The following SEC63 variants were observed in gnomAD, a reference collection of about 807,000 sequenced individuals.
SEC63 encodes the protein SEC63 protein translocation regulator.
In SEC63, 56 loss-of-function variants were observed where a neutral mutation model predicts 116.2. That is an observed-to-expected ratio of 0.48 (90% confidence interval 0.39 to 0.60). The LOEUF is 0.60. Among genes scored for constraint, SEC63 ranks in the 20% least tolerant of loss-of-function variants. SEC63 has a pLI of 0.00. For synonymous variants in SEC63, 273 were observed against 294.6 expected, an observed-to-expected ratio of 0.93 and a Z score of 0.75; for missense variants, 668 against 900.0, an observed-to-expected ratio of 0.74 and a Z score of 3.30.
At chr6:107,896,097 C>T (rs1041681350) in intron 14 of SEC63, among the ~76,000 whole-genome samples, 29 of 152,110 alleles carry the variant, frequency 1.9e-4, no homozygotes, top group African/African-American at 5.1e-4. Context: ...GCCTAGGAGG[C>T]GGACGTTGCA....
intron 16 of SEC63, among the ~76,000 whole-genome samples, chr6:107,886,223 T>C (rs1583728119): frequency 6.6e-6 from 1 of 152,326 alleles, no homozygotes; most frequent in East Asian, 1.9e-4. Context: ...TATTCCATGG[T>C]GTATATGTGC....
At chr6:107,934,218 C>T (rs1387653739) in intron 1 of SEC63, among the ~76,000 whole-genome samples, 1 of 151,286 alleles carries the variant, frequency 6.6e-6, no homozygotes, top group African/African-American at 2.4e-5. Context: ...TGCCTGGCTG[C>T]CCAGTCTGGA....
chr6:107,879,051 T>C (rs573572977), intron 18 of SEC63, among the ~76,000 whole-genome samples: 1 of 152,222 alleles, frequency 6.6e-6, no homozygotes, highest in Non-Finnish European at 1.5e-5. Context: ...TTCACTAACA[T>C]GTAAGTCAAA....
chr6:107,941,980 T>G (rs1200704742), intron 1 of SEC63, among the ~76,000 whole-genome samples: 1 of 152,258 alleles, frequency 6.6e-6, no homozygotes, highest in Non-Finnish European at 1.5e-5. Context: ...TAAGGTCGCA[T>G]TAGCAGTAAT....
At chr6:107,933,661 C>CCTCTGA (rs1787859594) in intron 1 of SEC63, among the ~76,000 whole-genome samples, 1 of 151,672 alleles carries the variant, frequency 6.6e-6, no homozygotes, top group Admixed American at 6.5e-5. Flanking sequence ...GAAACACCTG[C>CCTCTGA]CTCTGCCTCT....
Position 107,957,926 on chromosome 6 carries a change from G to C in SEC63, c.84C>G (p.Ile28Met). The change falls in exon 1 of 21, where the codon ATC becomes ATG. Residue 28 changes from isoleucine to methionine, a missense_variant. Around this residue, in one of 5 missense-constraint regions of SEC63, gnomAD observed 142 missense variants for 169.5 expected, o/e 0.84. Transcript: ENST00000369002. ...GGGGCCAGAGGTAGTATGTCGCCGG[G>C]ATCACGATGAGCCCCACGAAGGAGG... ...FLTSFVGLIV[I>M]PATYYLWPRD... The C allele has an allele frequency of 6.2e-7, 1 of 1,613,356 alleles. No individual in the cohort carries two copies. The highest frequency in any genetic ancestry group is 8.5e-7 in the Non-Finnish European group (1 of 1,179,560).
chr6:107,883,191 G>T, intron 16 of SEC63, 45 bp from the exon 17 acceptor site: 1 of 1,605,726 alleles, frequency 6.2e-7, no homozygotes, highest in Non-Finnish European at 8.5e-7. Flanking sequence ...ATCTCAATGA[G>T]AACATATCAA....
intron 2 of SEC63, among the ~76,000 whole-genome samples, chr6:107,926,403 T>C (rs1787678315): frequency 6.6e-6 from 1 of 152,100 alleles, no homozygotes; most frequent in African/African-American, 2.4e-5. Flanking sequence ...AGAGGCCAAA[T>C]TAAACAAAAT....
At chr6:107,912,813 C>A (rs772620142) in intron 5 of SEC63, 39 bp from the exon 6 acceptor site, 2 of 1,441,942 alleles carry the variant, frequency 1.4e-6, no homozygotes, top group South Asian at 2.3e-5. Flanking sequence ...AGAATCTCTA[C>A]TTTCAGTTTT....
chr6:107,904,278 T>C (rs1419146297), intron 11 of SEC63, among the ~76,000 whole-genome samples: 1 of 137,176 alleles, frequency 7.3e-6, no homozygotes, highest in East Asian at 2.3e-4. Flanking sequence ...GGTGTGGTGG[T>C]ACGCGCCTGT....
rs981232657 is a variant in SEC63, at chr6:107,929,493, A to T, written c.146T>A (p.Ile49Asn). Reference protein sequence around the residue: ...QNAEQIRLKNIRKVYGRCMWY... With the variant: ...QNAEQIRLKNNRKVYGRCMWY... ...CATACACCTTCCATATACTTTTCTG[A>T]TATTCTTTAATCGAATTTGCTCTGT... Residue 49 changes from isoleucine (I) to asparagine (N), a missense_variant, in exon 2 of 21, where the codon ATC (isoleucine) becomes AAC (asparagine). Physicochemically the swap from Ile to Asn is moderately radical, Grantham distance 149. Around this residue, in one of 5 missense-constraint regions of SEC63, gnomAD observed 142 missense variants for 169.5 expected, o/e 0.84. Transcript: ENST00000369002. The T allele has an allele frequency of 2.5e-6, 4 of 1,595,724 alleles. No homozygotes were observed. In the African/African-American group the frequency reaches 5.4e-5, roughly 21 times the overall value.
At chr6:107,906,358 G>T in intron 10 of SEC63, 90 bp downstream of exon 10, 1 of 1,378,384 alleles carries the variant, frequency 7.3e-7, no homozygotes, top group Non-Finnish European at 1.0e-6. Flanking sequence ...TTAGAGCAAT[G>T]CGAGAACAAA....
chr6:107,936,182 A>G (rs1036745246), intron 1 of SEC63, among the ~76,000 whole-genome samples: 4 of 152,328 alleles, frequency 2.6e-5, no homozygotes, highest in African/African-American at 9.6e-5. Flanking sequence ...TCAGCCCCTT[A>G]TTCTTGGGGG....
Position 107,906,516 on chromosome 6 carries a change from C to T in SEC63, c.893G>A (p.Ser298Asn). 1 of 1,613,826 alleles carries T rather than the reference C, an allele frequency of 6.2e-7. No homozygotes were observed. The highest frequency in any genetic ancestry group is 8.5e-7 in the Non-Finnish European group (1 of 1,179,724). The stretch of plus-strand genomic sequence containing the variant: ...CAGTAAAAGAACTCTGGCCTTCAGG[C>T]TATATGGGCAGGTAAGTGGAGGCTC... ...KNEPPLTCPYSLKARVLLLSH... is the reference protein window; with the variant it reads ...KNEPPLTCPYNLKARVLLLSH... The change falls in exon 10 of 21, where the codon AGC (serine) becomes AAC (asparagine). Residue 298 changes from serine (S) to asparagine (N), a missense_variant. By Grantham distance (46) the Ser-to-Asn change is conservative (BLOSUM62 1). Around this residue, in one of 5 missense-constraint regions of SEC63, gnomAD observed 430 missense variants for 557.5 expected, o/e 0.77. Coordinates refer to ENST00000369002, the MANE Select transcript of SEC63 (RefSeq NM_007214.5).
chr6:107,898,464 T>C (rs1484746718), intron 13 of SEC63, among the ~76,000 whole-genome samples: 3 of 152,218 alleles, frequency 2.0e-5, no homozygotes, highest in Admixed American at 2.0e-4. Flanking sequence ...TTCACAAGAT[T>C]TTACCTGTAT....
intron 18 of SEC63, among the ~76,000 whole-genome samples, chr6:107,880,809 G>C (rs1440261759): frequency 6.6e-6 from 1 of 152,168 alleles, no homozygotes; most frequent in East Asian, 1.9e-4. Flanking sequence ...TAATAGTTAA[G>C]TATTCAAAGG....
intron 1 of SEC63, among the ~76,000 whole-genome samples, chr6:107,943,825 C>T (rs1186711925): frequency 6.6e-6 from 1 of 152,164 alleles, no homozygotes; most frequent in Non-Finnish European, 1.5e-5. Context: ...AAAGAGACCA[C>T]GAAGGACTTT....
At chr6:107,910,587 GTA>G (rs1467922731) in intron 7 of SEC63, among the ~76,000 whole-genome samples, 1 of 151,782 alleles carries the variant, frequency 6.6e-6, no homozygotes, top group Admixed American at 6.6e-5. Context: ...TCATACACAT[GTA>G]TGTCATACAC....
chr6:107,939,527 G>A (rs780741107), intron 1 of SEC63, among the ~76,000 whole-genome samples: 63 of 152,232 alleles, frequency 4.1e-4, no homozygotes, highest in African/African-American at 1.4e-3. Context: ...CGAGGCAGAC[G>A]GATCGCGTGA....
Sources: gnomAD v4.1 joint callset for allele counts (sites outside exome capture counted in the v4.1 genomes callset) on GRCh38, gnomAD v4.1.1 for gene constraint, gnomAD v4.1.1 regional missense constraint, MANE v1.5 for transcripts, NCBI Gene and HGNC (gene_info 2026-07-23, HGNC 2026-07-21) for gene names.